Variants in NLGN1 observed in about 807,000 individuals in gnomAD.
NLGN1 encodes neuroligin-1.
Under a neutral mutation model 65.5 loss-of-function variants are expected in NLGN1, and 12 were observed. The observed-to-expected ratio is 0.18, with a 90% CI of 0.12 to 0.30. The LOEUF (loss-of-function observed/expected upper bound fraction) is 0.30, where lower values mean the gene tolerates loss of function less well. NLGN1 is among the 10% of genes least tolerant of loss of function. NLGN1 has a pLI of 1.00. For missense variants in NLGN1, 750 were observed against 1,007.1 expected, an observed-to-expected ratio of 0.74 and a Z score of 3.46; for synonymous variants, 350 against 359.5, an observed-to-expected ratio of 0.97 and a Z score of 0.30.
chr3:173,462,057 T>C (rs189882016), intron 2 of NLGN1, among the ~76,000 whole-genome samples: 16 of 152,300 alleles, frequency 1.1e-4, no homozygotes, highest in Non-Finnish European at 1.6e-4. Context: ...AAATCAATTG[T>C]AAGAGAAATT....
At chr3:174,140,204 T>C (rs922392216) in intron 4 of NLGN1, among the ~76,000 whole-genome samples, 2 of 152,120 alleles carry the variant, frequency 1.3e-5, no homozygotes, top group Non-Finnish European at 2.9e-5. Context: ...AGTTCATCTG[T>C]GATTTTTTTT....
chr3:174,220,243 G>C (rs971035909), intron 4 of NLGN1, among the ~76,000 whole-genome samples: 3 of 152,082 alleles, frequency 2.0e-5, no homozygotes, highest in African/African-American at 7.2e-5. Context: ...CATAACAAAG[G>C]AAAGTGGCAG....
In NLGN1 at chr3:174,020,261, C is replaced by T. The variant is rs957508667; in HGVS notation, c.646+212429C>T. Among the ~76,000 whole-genome samples, 8 of 151,858 alleles carry T rather than the reference C, an allele frequency of 5.3e-5. No homozygotes were observed. In the East Asian group the frequency reaches 5.8e-4, roughly 11 times the overall value. On this transcript the variant is annotated intron_variant, in intron 4 of 6. Coordinates refer to ENST00000457714, the Ensembl canonical transcript of NLGN1. ...CTTCTGTAATAAATGTTTGAGGAAG[C>T]GAAATGAATATGACATAATTCTTTG... is the stretch of plus-strand genomic sequence containing the variant.
intron 3 of NLGN1, among the ~76,000 whole-genome samples, chr3:173,702,095 T>C (rs12497243): frequency 0.2 from 30,154 of 147,312 alleles, 3,194 homozygotes; most frequent in Non-Finnish European, 0.25. Context: ...AAAAATTAGC[T>C]GGGCGTAGTG....
intron 4 of NLGN1, among the ~76,000 whole-genome samples, chr3:173,955,932 A>T (rs181363032): frequency 2.0e-5 from 3 of 152,280 alleles, no homozygotes; most frequent in Admixed American, 1.3e-4. Flanking sequence ...AATACACAAG[A>T]ATACATATAG....
At chr3:173,551,974 C>A (rs1410444794) in intron 2 of NLGN1, among the ~76,000 whole-genome samples, 1 of 152,128 alleles carries the variant, frequency 6.6e-6, no homozygotes, top group Non-Finnish European at 1.5e-5. Flanking sequence ...ACAAATATAT[C>A]AAAAGTGATA....
At chr3:173,998,216 C>T (rs1466668186) in intron 4 of NLGN1, among the ~76,000 whole-genome samples, 1 of 152,182 alleles carries the variant, frequency 6.6e-6, no homozygotes, top group Non-Finnish European at 1.5e-5. Context: ...TCAAAGCAGT[C>T]ATTCTGTTCA....
intron 4 of NLGN1, among the ~76,000 whole-genome samples, chr3:174,175,980 G>T (rs950355651): frequency 1.3e-5 from 2 of 151,724 alleles, no homozygotes; most frequent in Non-Finnish European, 2.9e-5. Context: ...ACCACAAAGA[G>T]CATATGTTTT....
At chr3:173,972,502 T>G (rs566097860) in intron 4 of NLGN1, among the ~76,000 whole-genome samples, 1 of 152,166 alleles carries the variant, frequency 6.6e-6, no homozygotes, top group East Asian at 1.9e-4. Context: ...CAAAGAAGTG[T>G]GAGTGGATAG....
chr3:173,417,331 T>C (rs1349810715), intron 1 of NLGN1, among the ~76,000 whole-genome samples: 1 of 151,952 alleles, frequency 6.6e-6, no homozygotes, highest in Non-Finnish European at 1.5e-5. Context: ...GACTATAGAA[T>C]TAAGTAATTT....
intron 2 of NLGN1, among the ~76,000 whole-genome samples, chr3:173,454,478 T>A (rs1435528426): frequency 2.6e-5 from 4 of 152,360 alleles, no homozygotes; most frequent in Middle Eastern, 3.4e-3. Context: ...CCAGGCTTAC[T>A]GTAGCCACCT....
At chr3:173,425,253 C>T (rs957646631) in intron 1 of NLGN1, among the ~76,000 whole-genome samples, 9 of 152,128 alleles carry the variant, frequency 5.9e-5, no homozygotes, top group Admixed American at 2.6e-4. Flanking sequence ...TTACAATTCA[C>T]GATGAGATTT....
chr3:174,180,430 G>A (rs949520944), intron 4 of NLGN1, among the ~76,000 whole-genome samples: 2 of 152,128 alleles, frequency 1.3e-5, no homozygotes, highest in Non-Finnish European at 2.9e-5. Flanking sequence ...GCTGTTTCTA[G>A]AGAAATGTCA....
At chr3:174,228,376 A>AT (rs1185772974) in intron 4 of NLGN1, among the ~76,000 whole-genome samples, 1 of 152,086 alleles carries the variant, frequency 6.6e-6, no homozygotes, top group African/African-American at 2.4e-5. Context: ...ATTTGGCTCA[A>AT]TTATGAGTTC....
intron 4 of NLGN1, among the ~76,000 whole-genome samples, chr3:174,032,245 C>G (rs555033346): frequency 6.6e-6 from 1 of 152,154 alleles, no homozygotes; most frequent in East Asian, 1.9e-4. Flanking sequence ...TAGAGAGGAA[C>G]AAAGGGAATT....
intron 4 of NLGN1, among the ~76,000 whole-genome samples, chr3:173,969,505 A>G (rs574798942): frequency 6.6e-6 from 1 of 152,164 alleles, no homozygotes; most frequent in South Asian, 2.1e-4. Flanking sequence ...CAGAATTTAG[A>G]TAATTTAGAT....
At chr3:174,184,080 GA>G (rs1445920021) in intron 4 of NLGN1, among the ~76,000 whole-genome samples, 12 of 152,150 alleles carry the variant, frequency 7.9e-5, no homozygotes, top group African/African-American at 2.9e-4. Flanking sequence ...TGGTAAAAGA[GA>G]AGGATATCTT....
chr3:174,144,011 C>T (rs1027969321), intron 4 of NLGN1, among the ~76,000 whole-genome samples: 1 of 152,108 alleles, frequency 6.6e-6, no homozygotes, highest in Non-Finnish European at 1.5e-5. Context: ...TGGTTTGCTG[C>T]ACCCATCAAC....
chr3:173,883,252 G>T (rs1733674297), intron 4 of NLGN1, among the ~76,000 whole-genome samples: 1 of 152,160 alleles, frequency 6.6e-6, no homozygotes, highest in African/African-American at 2.4e-5. Context: ...TTTTAATATT[G>T]CTGTGTCTAA....
Sources: gnomAD v4.1 joint callset for allele counts (sites outside exome capture counted in the v4.1 genomes callset) on GRCh38, gnomAD v4.1.1 for gene constraint, MANE v1.5 for transcripts, NCBI Gene and HGNC (gene_info 2026-07-23, HGNC 2026-07-21) for gene names.